Variants in CHN2 observed in about 807,000 individuals in gnomAD.
CHN2 encodes chimerin 2.
A neutral mutation model predicts 56.3 loss-of-function variants in CHN2; 35 were observed. The observed-to-expected ratio is 0.62, with a 90% CI of 0.47 to 0.82. CHN2 has a LOEUF of 0.82. Ranked by LOEUF, CHN2 falls within the 40% of genes least tolerant of loss-of-function variation. The probability of loss-of-function intolerance (pLI) is 0.00; values close to 1 mark genes in which losing one functional copy is unlikely to be tolerated. For missense variants in CHN2, 491 were observed against 580.5 expected (o/e 0.85, Z 1.58); for synonymous variants, 210 against 212.8 (o/e 0.99, Z 0.12).
intron 8 of CHN2, among the ~76,000 whole-genome samples, chr7:29,496,388 A>T (rs1201984557): frequency 6.6e-6 from 1 of 152,154 alleles, no homozygotes; most frequent in Non-Finnish European, 1.5e-5. Flanking sequence ...TCTTGCTACA[A>T]AAGGTAAGAC....
chr7:29,455,520 G>C (rs1316362491), intron 6 of CHN2, among the ~76,000 whole-genome samples: 3 of 152,272 alleles, frequency 2.0e-5, no homozygotes, highest in Non-Finnish European at 1.5e-5. Context: ...TAGTGTCTTT[G>C]TGTGGCTTTC....
chr7:29,436,957 T>C (rs1321164004), intron 6 of CHN2, among the ~76,000 whole-genome samples: 3 of 151,276 alleles, frequency 2.0e-5, no homozygotes, highest in Non-Finnish European at 2.9e-5. Context: ...ATAATAATAA[T>C]AATAATAAAA....
intron 1 of CHN2, among the ~76,000 whole-genome samples, chr7:29,231,740 C>G: frequency 6.6e-6 from 1 of 152,146 alleles, no homozygotes; most frequent in African/African-American, 2.4e-5. Context: ...TTATTGGTTA[C>G]AGTGTATAAG....
At chr7:29,469,157 C>T (rs1785819611) in intron 6 of CHN2, among the ~76,000 whole-genome samples, 1 of 152,212 alleles carries the variant, frequency 6.6e-6, no homozygotes, top group South Asian at 2.1e-4. Flanking sequence ...GTGCACTTCA[C>T]ATCCAACCTG....
intron 2 of CHN2, among the ~76,000 whole-genome samples, chr7:29,154,324 A>G (rs245897): frequency 0.56 from 85,275 of 152,032 alleles, 24,763 homozygotes; most frequent in African/African-American, 0.72. Flanking sequence ...ATTCGTATGC[A>G]GTGAATCAGC....
Position 29,509,285 on chromosome 7 carries a change from T to C in CHN2, c.1130-16T>C, listed in dbSNP as rs79802575. 11 of 1,593,986 alleles carry C rather than the reference T, an allele frequency of 6.9e-6. No homozygotes were observed. Among genetic ancestry groups the C allele is most frequent in the Non-Finnish European group, 8.6e-6 (10 of 1,161,756 alleles). ...CCACACTCTGAACTAATACCCATCA[T>C]GCGTGAACTTCACAGAAATCTCCAA... On this transcript the variant is annotated splice_polypyrimidine_tract_variant and intron_variant, in intron 11 of 12. Transcript: ENST00000222792.
At chr7:29,412,448 C>A (rs1431912414) in intron 6 of CHN2, among the ~76,000 whole-genome samples, 1 of 147,500 alleles carries the variant, frequency 6.8e-6, no homozygotes, top group African/African-American at 2.5e-5. Context: ...TCTTCTACCT[C>A]AGCCTCCCAA....
Position 29,275,869 on chromosome 7 carries a change from G to A in CHN2, c.50-78756G>A, listed in dbSNP as rs184456116. Among the ~76,000 whole-genome samples the A allele has an allele frequency of 3.3e-5, 5 of 152,266 alleles. No individual in the cohort carries two copies. In the East Asian group the frequency reaches 7.7e-4, roughly 24 times the overall value. On this transcript the variant is annotated intron_variant, in intron 1 of 12. Transcript: ENST00000222792. The stretch of plus-strand genomic sequence containing the variant: ...TTACATCCCAGTTTGAGTTCAGCAG[G>A]TTGCAATGTTGTGCTCTGCAGGTGA...
At chr7:29,460,191 T>C (rs1286833507) in intron 6 of CHN2, among the ~76,000 whole-genome samples, 2 of 152,204 alleles carry the variant, frequency 1.3e-5, no homozygotes, top group Non-Finnish European at 2.9e-5. Flanking sequence ...TAATGTGGAA[T>C]AAAATTAGGG....
At chr7:29,260,219 T>C (rs1412893218) in intron 1 of CHN2, among the ~76,000 whole-genome samples, 1 of 152,164 alleles carries the variant, frequency 6.6e-6, no homozygotes, top group Admixed American at 6.5e-5. Context: ...TCAGGTGATC[T>C]GCCCATCTTG....
At chr7:29,336,699 A>G (rs1171285429) in intron 1 of CHN2, among the ~76,000 whole-genome samples, 2 of 138,620 alleles carry the variant, frequency 1.4e-5, no homozygotes, top group Admixed American at 1.6e-4. Context: ...GTCTGAGTTT[A>G]CAATGAACCA....
At chr7:29,235,706 A>T (rs1158698418) in intron 1 of CHN2, among the ~76,000 whole-genome samples, 6 of 152,270 alleles carry the variant, frequency 3.9e-5, no homozygotes, top group African/African-American at 1.4e-4. Flanking sequence ...CTATGTAGCC[A>T]TAAAAAAGAA....
intron 1 of CHN2, among the ~76,000 whole-genome samples, chr7:29,237,755 G>A (rs1787310274): frequency 6.6e-6 from 1 of 152,122 alleles, no homozygotes; most frequent in South Asian, 2.1e-4. Flanking sequence ...TCCAAAGCCA[G>A]ATAAATGAGA....
chr7:29,281,287 A>G (rs189506050), intron 1 of CHN2, among the ~76,000 whole-genome samples: 1 of 152,210 alleles, frequency 6.6e-6, no homozygotes, highest in East Asian at 1.9e-4. Context: ...TTTGTTGCAG[A>G]AATGATAACC....
At chr7:29,363,390 CAGG>C (rs1319995301) in intron 2 of CHN2, among the ~76,000 whole-genome samples, 11 of 152,178 alleles carry the variant, frequency 7.2e-5, no homozygotes, top group Non-Finnish European at 1.3e-4. Flanking sequence ...GAGGCTGAAG[CAGG>C]AGAATTGCTT....
intron 1 of CHN2, among the ~76,000 whole-genome samples, chr7:29,279,947 G>A (rs972571033): frequency 2.6e-5 from 4 of 152,196 alleles, no homozygotes; most frequent in South Asian, 2.1e-4. Context: ...GTCCTAGTAA[G>A]AGGCTGTTGT....
chr7:29,409,284 T>C (rs1159044954), intron 6 of CHN2, among the ~76,000 whole-genome samples: 8 of 152,168 alleles, frequency 5.3e-5, no homozygotes, highest in Non-Finnish European at 1.2e-4. Context: ...AGAGCTTCTG[T>C]TAATGTGGGT....
chr7:29,250,690 C>CT (rs1356836349), intron 1 of CHN2, among the ~76,000 whole-genome samples: 2 of 151,326 alleles, frequency 1.3e-5, no homozygotes, highest in Non-Finnish European at 2.9e-5. Context: ...AGACTCTTCC[C>CT]TTTTTTTACC....
chr7:29,507,024 C>T (rs1488100271), intron 10 of CHN2, among the ~76,000 whole-genome samples: 1 of 152,188 alleles, frequency 6.6e-6, no homozygotes, highest in Admixed American at 6.5e-5. Flanking sequence ...CACCCGTTTG[C>T]CTGCACAAAC....
Sources: allele counts gnomAD v4.1 joint callset (sites outside exome capture counted in the v4.1 genomes callset), GRCh38; gene constraint gnomAD v4.1.1; transcripts MANE v1.5; gene names NCBI Gene and HGNC (gene_info 2026-07-23, HGNC 2026-07-21).